The following DDOST variants were observed in gnomAD, a reference collection of about 807,000 sequenced individuals.
DDOST encodes the protein dolichyl-diphosphooligosaccharide--protein glycosyltransferase 48 kDa subunit.
In DDOST, 25 loss-of-function variants were observed where a neutral mutation model predicts 47.6. The ratio of observed to expected loss-of-function variants is 0.53; its 90% confidence interval spans 0.38 to 0.73. The LOEUF is 0.73. Among genes scored for constraint, DDOST ranks in the 30% least tolerant of loss-of-function variants. The pLI is 0.00. For synonymous variants in DDOST, 275 were observed against 236.0 expected (o/e 1.17, Z -1.51); for missense variants, 526 against 573.9 (o/e 0.92, Z 0.85).
rs767227234 is a variant in DDOST at position 20,652,335 on chromosome 1, C to T, written c.*44G>A. 5.1e-5 allele frequency: 78 copies of T among 1,515,180 alleles called. No individual in the cohort carries two copies. The highest frequency in any genetic ancestry group is 6.7e-5 in the Non-Finnish European group (76 of 1,133,550). The allele number at this position is 1,515,180 out of a possible 1,614,324, so 93.9% of individuals were successfully genotyped here. ...AAAACCACCAATCCTAATAACCCCCCTCCTTGCCCCGTCTCCACGCTGTGC... is the reference window on the plus strand; with the variant it reads ...AAAACCACCAATCCTAATAACCCCCTTCCTTGCCCCGTCTCCACGCTGTGC... On this transcript the variant is annotated 3_prime_UTR_variant, in exon 11 of 11. Coordinates refer to ENST00000602624, the MANE Select transcript of DDOST (RefSeq NM_005216.5).
intron 5 of DDOST, among the ~76,000 whole-genome samples, chr1:20,655,185 T>TTG (rs1351885816): frequency 1.3e-5 from 2 of 149,222 alleles, no homozygotes; most frequent in African/African-American, 2.5e-5. Flanking sequence ...TTTTTTTTTT[T>TTG]TTTTTTTTTT....
chr1:20,661,141 C>A, intron 1 of DDOST, 56 bp downstream of exon 1: 1 of 1,572,112 alleles, frequency 6.4e-7, no homozygotes. Context: ...TCAATGCCCT[C>A]GATGCTGTAC....
Position 20,652,408 on chromosome 1 carries a change from G to A in DDOST, c.1291C>T (p.His431Tyr). The change falls in exon 11 of 11, where the codon CAC becomes TAC. Residue 431 changes from histidine to tyrosine, a missense_variant. His to Tyr is a moderately conservative substitution (Grantham distance 83, BLOSUM62 2). Transcript: ENST00000602624. ...TCGGACTTCTCCTTCTCCTTCATGTGCAAGAAGACGATGCTGAAGATGAAG... is the reference window on the plus strand; with the variant it reads ...TCGGACTTCTCCTTCTCCTTCATGTACAAGAAGACGATGCTGAAGATGAAG... Reference protein sequence around the residue: ...GLFIFSIVFLHMKEKEKSD With the variant: ...GLFIFSIVFLYMKEKEKSD 1 of 1,613,694 alleles carries A rather than the reference G, an allele frequency of 6.2e-7. No homozygotes were observed. Among genetic ancestry groups the A allele is most frequent in the East Asian group, 2.2e-5 (1 of 44,868 alleles).
At position 20,661,087 on chromosome 1, in the gene DDOST, AC is replaced by A. The variant is rs2053429478; in HGVS notation, c.155-97del. 4.1e-6 allele frequency: 6 copies of A among 1,479,818 alleles called. No homozygotes were observed. The South Asian group carries it at 7.0e-5, about 17-fold the overall frequency. 91.7% of individuals were successfully genotyped at this position (1,479,818 alleles called of 1,614,324 possible). A position where few individuals can be genotyped will look rare whatever the true frequency, so the allele number is the denominator to read the frequency against. On this transcript the variant is annotated intron_variant, in intron 1 of 10. Transcript: ENST00000602624. ...ACCCGCACGCCAAGCGGCAGGCCAG[AC>A]CCGGGCGGCCTGCTCCAGGAAAGGG...
rs764066661 is a variant in DDOST, at chr1:20,652,526, T to A, written c.1173A>T (p.Val391=). ...GYTHLYSSTQ[V]SVRPLQHTQY... is the part of the protein sequence containing the mutation. ...GCGTGTGCTGGAGTGGCCGCACGGA[T>A]ACCTGCAGGAGGACAGAGGTGGCAG... The change falls in exon 11 of 11, where the codon GTA becomes GTT. Residue 391 remains valine, a splice_region_variant and synonymous_variant. Coordinates refer to ENST00000602624, the MANE Select transcript of DDOST (RefSeq NM_005216.5). The A allele has an allele frequency of 1.2e-6, 2 of 1,613,934 alleles. No homozygotes were observed. Among genetic ancestry groups the A allele is most frequent in the Admixed American group, 3.3e-5 (2 of 60,014 alleles).
intron 2 of DDOST, among the ~76,000 whole-genome samples, chr1:20,660,048 A>C (rs774333977): frequency 3.9e-5 from 6 of 152,212 alleles, no homozygotes; most frequent in Non-Finnish European, 8.8e-5. Context: ...GCAAATAAAG[A>C]AGAGAATGAC....
Position 20,654,658 on chromosome 1 carries a change from A to G in DDOST, c.601T>C (p.Ser201Pro). 1 of 1,565,542 alleles carries G rather than the reference A, an allele frequency of 6.4e-7. No individual in the cohort carries two copies. Among genetic ancestry groups the G allele is most frequent in the Non-Finnish European group, 8.7e-7 (1 of 1,153,866 alleles). Residue 201 changes from serine to proline, a missense_variant, in exon 6 of 11, where the codon TCT (serine) becomes CCT (proline). Ser to Pro is a moderately conservative substitution (Grantham distance 74, BLOSUM62 -1). Transcript: ENST00000602624. ...NPLVLDILTG[S>P]STSYSFFPDK... ...GGGAAGAAGGAGTAAGAGGTGGAAG[A>G]GCCCGTCAGGATGTCCAGCACCAAA...
Position 20,661,340 on chromosome 1 carries a change from C to T in DDOST, c.11G>A (p.Ser4Asn). MEP[S>N]TAARAWALFW... ...GAGGGCCCAAGCCCGGGCCGCGGTG[C>T]TGGGCTCCATCTTCCTCCTCCTGCC... Residue 4 changes from serine to asparagine, a missense_variant, in exon 1 of 11, where the codon AGC (serine) becomes AAC (asparagine). Transcript: ENST00000602624. The T allele has an allele frequency of 1.9e-6, 3 of 1,612,658 alleles. No individual in the cohort carries two copies. The highest frequency in any genetic ancestry group is 2.5e-6 in the Non-Finnish European group (3 of 1,179,592).
At chr1:20,659,016 C>T (rs1327625914) in intron 2 of DDOST, among the ~76,000 whole-genome samples, 2 of 151,752 alleles carry the variant, frequency 1.3e-5, no homozygotes, top group Admixed American at 1.3e-4. Flanking sequence ...CCACCACGCC[C>T]GGCTAATTTT....
rs1185997569 is a variant in DDOST, at chr1:20,656,137, C to T, written c.316G>A (p.Gly106Arg). The change falls in exon 3 of 11, where the codon GGA becomes AGA. Residue 106 changes from glycine (G) to arginine (R), a missense_variant. By Grantham distance (125) the Gly-to-Arg change is moderately radical. Coordinates refer to ENST00000602624, the MANE Select transcript of DDOST (RefSeq NM_005216.5). ...VETISAFIDG[G>R]GSVLVAASSD... ...CTGGCAGCTACCAGCACACTGCCTC[C>T]GCCGTCAATAAAGGCACTGATGGTC... 3.7e-6 allele frequency: 6 copies of T among 1,614,206 alleles called. No individual in the cohort carries two copies. The highest frequency in any genetic ancestry group is 2.2e-5 in the East Asian group (1 of 44,886).
Position 20,655,728 on chromosome 1 carries a change from T to G in DDOST, c.404A>C (p.Glu135Ala). ...GSECGIEFDE[E>A]KTAVIDHHNY... ...GTGATGGTCAATGACAGCCGTTTTCTCCTCGTCAAACTCAATCCCGCACTC... is the reference window on the plus strand; with the variant it reads ...GTGATGGTCAATGACAGCCGTTTTCGCCTCGTCAAACTCAATCCCGCACTC... The change falls in exon 4 of 11, where the codon GAG (glutamate) becomes GCG (alanine). Residue 135 changes from glutamate (E) to alanine (A), a missense_variant. Glu to Ala is a moderately radical substitution (Grantham distance 107, BLOSUM62 -1). Transcript: ENST00000602624. 2 of 1,614,190 alleles carry G rather than the reference T, an allele frequency of 1.2e-6. No homozygotes were observed. The highest frequency in any genetic ancestry group is 1.7e-6 in the Non-Finnish European group (2 of 1,180,044).
chr1:20,654,529 C>T (rs1557571811), intron 6 of DDOST, 85 bp downstream of exon 6: 6 of 1,401,318 alleles, frequency 4.3e-6, no homozygotes, highest in Non-Finnish European at 5.9e-6. Context: ...CCCCACCCCA[C>T]CAACTAGTCA....
At chr1:20,658,059 C>T (rs975683778) in intron 2 of DDOST, among the ~76,000 whole-genome samples, 3 of 152,238 alleles carry the variant, frequency 2.0e-5, no homozygotes, top group African/African-American at 2.4e-5. Flanking sequence ...TCTGAAACGT[C>T]AAGAATGCAC....
In DDOST at chr1:20,653,819, T is replaced by C. The variant is rs1297872541; in HGVS notation, c.795-45A>G. ...GCAGCTTGGGCACCAGAGCCACCTTTCCAGTGGTGCCTGATGGGCAGGACC... is the reference window on the plus strand; with the variant it reads ...GCAGCTTGGGCACCAGAGCCACCTTCCCAGTGGTGCCTGATGGGCAGGACC... On this transcript the variant is annotated intron_variant, in intron 7 of 10. Coordinates refer to ENST00000602624, the MANE Select transcript of DDOST (RefSeq NM_005216.5). 6 of 1,592,160 alleles carry C rather than the reference T, an allele frequency of 3.8e-6. No individual in the cohort carries two copies. In the South Asian group the frequency reaches 6.8e-5, roughly 18 times the overall value.
Position 20,652,512 on chromosome 1 carries a change from A to C in DDOST, c.1187T>G (p.Leu396Arg). ...YSSTQVSVRP[L>R]QHTQYERFIP... ...GAAGCGCTCATACTGCGTGTGCTGGAGTGGCCGCACGGATACCTGCAGGAG... is the reference window on the plus strand; with the variant it reads ...GAAGCGCTCATACTGCGTGTGCTGGCGTGGCCGCACGGATACCTGCAGGAG... Residue 396 changes from leucine (L) to arginine (R), a missense_variant, in exon 11 of 11, where the codon CTC becomes CGC. Coordinates refer to ENST00000602624, the MANE Select transcript of DDOST (RefSeq NM_005216.5). 1 of 1,614,066 alleles carries C rather than the reference A, an allele frequency of 6.2e-7. No homozygotes were observed. The highest frequency in any genetic ancestry group is 1.6e-4 in the Middle Eastern group (1 of 6,062).
intron 5 of DDOST, among the ~76,000 whole-genome samples, chr1:20,655,160 A>C (rs1188307570): frequency 3.4e-5 from 4 of 116,412 alleles, no homozygotes; most frequent in African/African-American, 1.3e-4. Flanking sequence ...GCGCTCGGCC[A>C]ACTTTTTTTT....
intron 3 of DDOST, 67 bp downstream of exon 3, chr1:20,656,032 TTC>T (rs1397368522): frequency 1.5e-6 from 2 of 1,370,306 alleles, no homozygotes; most frequent in African/African-American, 2.9e-5. Flanking sequence ...ATTTGGCAGC[TTC>T]TGTTTGTAAT....
At chr1:20,658,856 C>CTTTTTT (rs112536606) in intron 2 of DDOST, among the ~76,000 whole-genome samples, 1 of 132,812 alleles carries the variant, frequency 7.5e-6, no homozygotes, top group African/African-American at 2.9e-5. Flanking sequence ...TTTCTCTTTT[C>CTTTTTT]TTTTTTTTTT....
rs753702642 is a variant in DDOST at position 20,660,939 on chromosome 1, G to A, written c.207C>T (p.Leu69=). 32 of 1,613,946 alleles carry A rather than the reference G, an allele frequency of 2.0e-5. No homozygotes were observed. The South Asian group carries it at 3.2e-4, about 16-fold the overall frequency. ...FKTADDPSLS[L]IKYGEFLYDN... ...CATAGAGGAATTCCCCATACTTTAT[G>A]AGAGACAGGCTGGGGTCATCAGCGG... is the stretch of plus-strand genomic sequence containing the variant. The change falls in exon 2 of 11, where the codon CTC becomes CTT. Residue 69 remains leucine, a synonymous_variant. Coordinates refer to ENST00000602624, the MANE Select transcript of DDOST (RefSeq NM_005216.5).
Sources: allele counts gnomAD v4.1 joint callset (sites outside exome capture counted in the v4.1 genomes callset), GRCh38; gene constraint gnomAD v4.1.1; transcripts MANE v1.5; gene names NCBI Gene and HGNC (gene_info 2026-07-23, HGNC 2026-07-21).